Variants in CPNE4 observed in about 807,000 individuals in gnomAD.
The protein encoded by CPNE4 is copine 4.
In CPNE4, 25 loss-of-function variants were observed where a neutral mutation model predicts 67.9. The ratio of observed to expected loss-of-function variants is 0.37; its 90% confidence interval spans 0.27 to 0.51. The LOEUF (loss-of-function observed/expected upper bound fraction) is 0.51. CPNE4 is among the 20% of genes least tolerant of loss of function. The pLI is 0.93. For synonymous variants in CPNE4, 242 were observed against 244.9 expected (o/e 0.99, Z 0.11); for missense variants, 464 against 690.8 (o/e 0.67, Z 3.68).
intron 7 of CPNE4, among the ~76,000 whole-genome samples, chr3:131,616,696 C>T (rs1364954697): frequency 6.6e-6 from 1 of 152,116 alleles, no homozygotes; most frequent in Non-Finnish European, 1.5e-5. Flanking sequence ...GTTGATCCCT[C>T]CCAACCAATG....
At chr3:131,907,245 C>CTTAT (rs2088807879) in intron 1 of CPNE4, among the ~76,000 whole-genome samples, 1 of 152,122 alleles carries the variant, frequency 6.6e-6, no homozygotes, top group South Asian at 2.1e-4. Context: ...CAATACCTTG[C>CTTAT]TTATGGAATT....
chr3:131,761,027 T>C (rs1279262359), intron 2 of CPNE4, among the ~76,000 whole-genome samples: 1 of 152,086 alleles, frequency 6.6e-6, no homozygotes, highest in African/African-American at 2.4e-5. Flanking sequence ...GATAAATTCA[T>C]CTTAGAGTAG....
At chr3:131,792,925 G>GTGTGTGTGTGTGTGTGTGTATCTATA (rs58502463) in intron 2 of CPNE4, among the ~76,000 whole-genome samples, 4 of 135,238 alleles carry the variant, frequency 3.0e-5, no homozygotes, top group African/African-American at 1.1e-4. Context: ...GTGTGTGTGT[G>GTGTGTGTGTGTGTGTGTGTATCTATA]TATCTCCAAC....
At chr3:131,630,952 C>T (rs753541495) in intron 7 of CPNE4, among the ~76,000 whole-genome samples, 3 of 152,152 alleles carry the variant, frequency 2.0e-5, no homozygotes, top group Non-Finnish European at 2.9e-5. Context: ...ATGGAGAATT[C>T]CTCTCCAGCC....
chr3:131,958,529 C>G (rs1000623444), intron 1 of CPNE4, among the ~76,000 whole-genome samples: 7 of 151,530 alleles, frequency 4.6e-5, no homozygotes, highest in African/African-American at 1.7e-4. Context: ...TCTTTTAAAT[C>G]AGAGACCTGG....
At chr3:132,036,317 A>T (rs912295674), upstream of CPNE4, among the ~76,000 whole-genome samples, 5 of 152,096 alleles carry the variant, frequency 3.3e-5, no homozygotes, top group East Asian at 9.6e-4. Flanking sequence ...TTGGATATGG[A>T]ATTACACTAA....
intron 9 of CPNE4, 110 bp from the exon 10 acceptor site, chr3:131,575,240 C>G: frequency 1.2e-6 from 1 of 834,474 alleles, no homozygotes; most frequent in Non-Finnish European, 2.0e-6. Context: ...GAGGAAAGGG[C>G]AGACAGACAT....
At chr3:131,574,987 T>C (rs1177003615) in intron 10 of CPNE4, 84 bp downstream of exon 10, 1 of 1,147,842 alleles carries the variant, frequency 8.7e-7, no homozygotes, top group Non-Finnish European at 1.3e-6. Context: ...TAAGCTTTTG[T>C]CTCTTTATCC....
At chr3:131,713,891 A>G (rs897530100) in intron 3 of CPNE4, among the ~76,000 whole-genome samples, 5 of 150,010 alleles carry the variant, frequency 3.3e-5, no homozygotes, top group African/African-American at 1.0e-4. Flanking sequence ...CAGAAAAGAC[A>G]GCAGTAAAAA....
chr3:131,652,098 G>A (rs866149842), intron 7 of CPNE4, among the ~76,000 whole-genome samples: 5 of 152,168 alleles, frequency 3.3e-5, no homozygotes, highest in Non-Finnish European at 5.9e-5. Flanking sequence ...AATCATTGCC[G>A]ATATGCTTTC....
intron 2 of CPNE4, among the ~76,000 whole-genome samples, chr3:131,904,492 C>A (rs981511284): frequency 2.0e-5 from 3 of 152,038 alleles, no homozygotes; most frequent in Non-Finnish European, 2.9e-5. Flanking sequence ...GGGTCCACAA[C>A]AAGAGTTTAT....
chr3:131,806,448 G>C (rs2084313140), intron 2 of CPNE4, among the ~76,000 whole-genome samples: 1 of 151,482 alleles, frequency 6.6e-6, no homozygotes, highest in South Asian at 2.1e-4. Flanking sequence ...TACTCTGGAG[G>C]CTGAGGCAGG....
At chr3:131,771,253 G>A (rs2083159159) in intron 2 of CPNE4, among the ~76,000 whole-genome samples, 1 of 152,106 alleles carries the variant, frequency 6.6e-6, no homozygotes, top group African/African-American at 2.4e-5. Context: ...TTTAGATGGA[G>A]TCTCGCTTTG....
chr3:131,786,432 T>C (rs1435618289), intron 2 of CPNE4, among the ~76,000 whole-genome samples: 1 of 152,164 alleles, frequency 6.6e-6, no homozygotes, highest in African/African-American at 2.4e-5. Flanking sequence ...ATAACACTGA[T>C]ATTGACAACT....
chr3:132,036,762 T>C (rs181674550), upstream of CPNE4, among the ~76,000 whole-genome samples: 55 of 152,318 alleles, frequency 3.6e-4, no homozygotes, highest in African/African-American at 1.1e-3. Flanking sequence ...TAGAAAGGTG[T>C]CTACCACCTT....
chr3:131,739,784 G>A (rs1164326776), intron 2 of CPNE4, among the ~76,000 whole-genome samples: 1 of 152,204 alleles, frequency 6.6e-6, no homozygotes, highest in Non-Finnish European at 1.5e-5. Context: ...TGAGGAACCT[G>A]ACACTTGAGG....
chr3:131,552,916 G>C (rs915700444), intron 12 of CPNE4, among the ~76,000 whole-genome samples: 2 of 152,050 alleles, frequency 1.3e-5, no homozygotes, highest in African/African-American at 4.8e-5. Flanking sequence ...TGAAGATAGC[G>C]ATGGTTATAA....
At chr3:131,765,937 C>G (rs956801862) in intron 2 of CPNE4, among the ~76,000 whole-genome samples, 2 of 152,090 alleles carry the variant, frequency 1.3e-5, no homozygotes, top group Non-Finnish European at 2.9e-5. Flanking sequence ...CTGGCACTAG[C>G]AGCTTTATAC....
intron 2 of CPNE4, among the ~76,000 whole-genome samples, chr3:131,785,200 A>G (rs140844991): frequency 2.0e-5 from 3 of 152,198 alleles, no homozygotes; most frequent in Non-Finnish European, 4.4e-5. Context: ...TCCCCACTTT[A>G]TAGCTGAGTA....
Sources: allele counts gnomAD v4.1 joint callset (sites outside exome capture counted in the v4.1 genomes callset), GRCh38; gene constraint gnomAD v4.1.1; transcripts MANE v1.5; gene names NCBI Gene and HGNC (gene_info 2026-07-23, HGNC 2026-07-21).